TMTC2: variants seen among roughly 807,000 people sequenced by gnomAD.
TMTC2 encodes protein O-mannosyl-transferase TMTC2.
A neutral mutation model predicts 82.4 loss-of-function variants in TMTC2; 43 were observed. The ratio of observed to expected loss-of-function variants is 0.52; its 90% CI spans 0.41 to 0.67. The LOEUF is 0.67. Ranked by LOEUF, TMTC2 falls within the 30% of genes least tolerant of loss-of-function variation. The pLI, the probability that TMTC2 is intolerant of heterozygous loss-of-function variation, is 0.00. For synonymous variants in TMTC2, 408 were observed against 381.9 expected, an observed-to-expected ratio of 1.07 and a Z score of -0.80; for missense variants, 919 against 1,012.4, an observed-to-expected ratio of 0.91 and a Z score of 1.25.
intron 1 of TMTC2, among the ~76,000 whole-genome samples, chr12:82,833,570 TG>T (rs1342309638): frequency 6.6e-6 from 1 of 152,226 alleles, no homozygotes; most frequent in Non-Finnish European, 1.5e-5. Context: ...GCTCACAAAA[TG>T]TGTAGTATAT....
At chr12:83,114,992 T>C (rs891742921) in intron 11 of TMTC2, among the ~76,000 whole-genome samples, 2 of 152,028 alleles carry the variant, frequency 1.3e-5, no homozygotes, top group Non-Finnish European at 2.9e-5. Flanking sequence ...TCCATGACAA[T>C]TGAGATTTTA....
At chr12:82,987,859 G>C (rs964894975) in intron 8 of TMTC2, among the ~76,000 whole-genome samples, 2 of 152,028 alleles carry the variant, frequency 1.3e-5, no homozygotes, top group African/African-American at 4.8e-5. Context: ...TCTCAGAATG[G>C]GATCTGGATG....
chr12:82,778,501 G>T (rs1877712476), intron 1 of TMTC2, among the ~76,000 whole-genome samples: 1 of 151,996 alleles, frequency 6.6e-6, no homozygotes, highest in Admixed American at 6.6e-5. Context: ...AGATCACAAG[G>T]TCAGTAGATC....
At chr12:83,021,658 C>T (rs1185697500) in intron 8 of TMTC2, among the ~76,000 whole-genome samples, 1 of 151,978 alleles carries the variant, frequency 6.6e-6, no homozygotes, top group Non-Finnish European at 1.5e-5. Flanking sequence ...ATATCCACAC[C>T]TGATCCACTG....
At chr12:82,944,164 GTGTCATAATTATGTAAATTAAAAC>G (rs1267278075) in intron 4 of TMTC2, among the ~76,000 whole-genome samples, 2 of 152,132 alleles carry the variant, frequency 1.3e-5, no homozygotes, top group Non-Finnish European at 2.9e-5. Flanking sequence ...ATAGATTTTG[GTGTCATAATTATGTAAATTAAAAC>G]TGAAAATAAA....
chr12:83,027,086 A>C (rs2137415988), intron 8 of TMTC2, among the ~76,000 whole-genome samples: 1 of 152,196 alleles, frequency 6.6e-6, no homozygotes, highest in South Asian at 2.1e-4. Context: ...TACTCAATAC[A>C]GTCCGTTTTT....
intron 9 of TMTC2, among the ~76,000 whole-genome samples, chr12:83,049,300 A>T (rs911017780): frequency 3.9e-5 from 6 of 151,934 alleles, no homozygotes; most frequent in Non-Finnish European, 7.4e-5. Flanking sequence ...CAGTTTTTTG[A>T]TCTGCCCCCT....
chr12:82,980,603 G>A (rs1380546475), intron 7 of TMTC2, among the ~76,000 whole-genome samples: 2 of 26,490 alleles, frequency 7.6e-5, no homozygotes, highest in African/African-American at 2.2e-4. Context: ...GTTCTTTAGA[G>A]ACTAGAAAAA....
At chr12:83,091,024 C>A (rs1320282864) in intron 11 of TMTC2, among the ~76,000 whole-genome samples, 2 of 152,154 alleles carry the variant, frequency 1.3e-5, no homozygotes, top group Non-Finnish European at 1.5e-5. Flanking sequence ...ACTTAAGTGT[C>A]TGGGTGGTTT....
At chr12:83,128,382 C>T (rs1329089732) in intron 11 of TMTC2, among the ~76,000 whole-genome samples, 1 of 151,436 alleles carries the variant, frequency 6.6e-6, no homozygotes, top group East Asian at 1.9e-4. Flanking sequence ...TGTCTAATAA[C>T]ATTTAGTCAT....
chr12:82,828,211 CTTTTTTTTTTT>C (rs58399725), intron 1 of TMTC2, among the ~76,000 whole-genome samples: 1 of 109,680 alleles, frequency 9.1e-6, no homozygotes, highest in Non-Finnish European at 1.8e-5. Context: ...TTTTCTTTGG[CTTTTTTTTTTT>C]TTTTTTTTTC....
At chr12:83,108,394 G>A (rs1884489098) in intron 11 of TMTC2, among the ~76,000 whole-genome samples, 1 of 152,070 alleles carries the variant, frequency 6.6e-6, no homozygotes. Flanking sequence ...AACTTTAGGA[G>A]GCCAAGGCAG....
At chr12:83,073,941 T>C (rs1305612303) in intron 11 of TMTC2, among the ~76,000 whole-genome samples, 1 of 152,194 alleles carries the variant, frequency 6.6e-6, no homozygotes, top group Non-Finnish European at 1.5e-5. Context: ...GCCTCCCTGA[T>C]TGGCTTAATA....
intron 8 of TMTC2, among the ~76,000 whole-genome samples, chr12:82,990,141 CA>C (rs1458605359): frequency 6.6e-6 from 1 of 152,044 alleles, no homozygotes; most frequent in Non-Finnish European, 1.5e-5. Flanking sequence ...CTGCTAGTTT[CA>C]AGAGAAGAGG....
chr12:82,720,720 CTTG>C (rs1264732186), intron 1 of TMTC2, among the ~76,000 whole-genome samples: 5 of 152,168 alleles, frequency 3.3e-5, no homozygotes, highest in Non-Finnish European at 5.9e-5. Context: ...GTCACCAGCG[CTTG>C]TTGTTATCTG....
At chr12:83,051,864 G>C (rs1011022587) in intron 10 of TMTC2, among the ~76,000 whole-genome samples, 4 of 152,030 alleles carry the variant, frequency 2.6e-5, no homozygotes, top group Non-Finnish European at 5.9e-5. Flanking sequence ...AGGTTTTTTT[G>C]TGTGTGAATA....
chr12:82,946,636 T>C (rs1302333875), intron 4 of TMTC2, among the ~76,000 whole-genome samples: 1 of 152,110 alleles, frequency 6.6e-6, no homozygotes, highest in Non-Finnish European at 1.5e-5. Context: ...AGGAGGACAG[T>C]GTGAGGAAAT....
chr12:82,924,532 G>T (rs1011029530), intron 3 of TMTC2, among the ~76,000 whole-genome samples: 1 of 152,108 alleles, frequency 6.6e-6, no homozygotes, highest in Non-Finnish European at 1.5e-5. Flanking sequence ...ATTTTTGCAG[G>T]CATCTAGGGC....
chr12:82,925,970 G>A (rs1049217727), intron 3 of TMTC2, among the ~76,000 whole-genome samples: 2 of 141,864 alleles, frequency 1.4e-5, no homozygotes, highest in African/African-American at 2.6e-5. Flanking sequence ...TGCTGATATG[G>A]AGAAAATTGT....
Sources: allele counts gnomAD v4.1 joint callset (sites outside exome capture counted in the v4.1 genomes callset), GRCh38; gene constraint gnomAD v4.1.1; transcripts MANE v1.5; gene names NCBI Gene and HGNC (gene_info 2026-07-23, HGNC 2026-07-21).